Variants in RNF182 observed in about 807,000 individuals in gnomAD.
RNF182 encodes the protein ring finger protein 182.
In RNF182, 15 loss-of-function variants were observed where a neutral mutation model predicts 14.4. That is an observed-to-expected ratio of 1.04 (90% CI 0.70 to 1.60). The LOEUF (loss-of-function observed/expected upper bound fraction) is 1.60, where lower values mean the gene tolerates loss of function less well. Ranked by LOEUF, RNF182 falls within the 40% of genes most tolerant of loss-of-function variation. RNF182 has a pLI of 0.00. For synonymous variants in RNF182, 128 were observed against 122.9 expected, an observed-to-expected ratio of 1.04 and a Z score of -0.27; for missense variants, 268 against 294.8, an observed-to-expected ratio of 0.91 and a Z score of 0.67.
chr6:13,952,405 A>G (rs1175643151), intron 1 of RNF182, among the ~76,000 whole-genome samples: 2 of 152,144 alleles, frequency 1.3e-5, no homozygotes, highest in Non-Finnish European at 2.9e-5. Flanking sequence ...AAAGCGGTCA[A>G]CATCCCATAG....
intron 1 of RNF182, among the ~76,000 whole-genome samples, chr6:13,936,473 T>C (rs1759112511): frequency 6.6e-6 from 1 of 152,234 alleles, no homozygotes; most frequent in African/African-American, 2.4e-5. Context: ...GATTGGTCTA[T>C]AAATATAAAT....
chr6:13,970,600 AC>A (rs1011211630), intron 1 of RNF182, among the ~76,000 whole-genome samples: 28 of 152,176 alleles, frequency 1.8e-4, no homozygotes, highest in African/African-American at 6.8e-4. Context: ...TTGGATAGAT[AC>A]CAAGTAGAAG....
chr6:13,926,372 T>C (rs945389738), intron 1 of RNF182, among the ~76,000 whole-genome samples: 1 of 152,218 alleles, frequency 6.6e-6, no homozygotes, highest in Non-Finnish European at 1.5e-5. Context: ...TTCCCTCTTT[T>C]GGGATTTCAA....
intron 1 of RNF182, among the ~76,000 whole-genome samples, chr6:13,973,254 C>G (rs558029031): frequency 2.6e-5 from 4 of 152,314 alleles, no homozygotes; most frequent in East Asian, 3.9e-4. Context: ...AACTAACTTG[C>G]TTTTGATTTT....
rs1585025521 is a variant in RNF182, at chr6:13,925,013, C to T, written c.-377C>T. The T allele has an allele frequency of 1.6e-4, 1 of 6,390 alleles. No homozygotes were observed. Among genetic ancestry groups the T allele is most frequent in the Non-Finnish European group, 4.2e-4 (1 of 2,368 alleles). The allele number at this position is 6,390 out of a possible 1,614,324, so 0.4% of individuals were successfully genotyped here. ...GGAGCGGCTCCCGGGCCCTGGGCCG[C>T]CGCCGGCCAGGTAAGGCGATCGCGC... On this transcript the variant is annotated 5_prime_UTR_variant, in exon 1 of 3. Transcript: ENST00000488300.
At chr6:13,969,295 TAA>T (rs1159461940) in intron 1 of RNF182, among the ~76,000 whole-genome samples, 1 of 152,256 alleles carries the variant, frequency 6.6e-6, no homozygotes, top group African/African-American at 2.4e-5. Context: ...TAGCTTCAAA[TAA>T]AGAGTTGCAG....
At chr6:13,926,820 G>GA (rs1233999871) in intron 1 of RNF182, among the ~76,000 whole-genome samples, 2 of 150,296 alleles carry the variant, frequency 1.3e-5, no homozygotes, top group Admixed American at 6.6e-5. Context: ...GGGACCAACA[G>GA]AACAGCTTTA....
upstream of RNF182, chr6:13,924,604 TG>T (rs1300147907): frequency 3.3e-5 from 5 of 152,026 alleles, no homozygotes; most frequent in East Asian, 7.8e-4. Flanking sequence ...AGGGTGTCTG[TG>T]GGGGGGATGG....
At chr6:13,933,627 A>G (rs991352313) in intron 1 of RNF182, among the ~76,000 whole-genome samples, 92 of 152,346 alleles carry the variant, frequency 6.0e-4, no homozygotes, top group African/African-American at 2.0e-3. Flanking sequence ...AAAATTATTA[A>G]TGAGATTTTA....
intron 1 of RNF182, among the ~76,000 whole-genome samples, chr6:13,944,569 A>G (rs937444487): frequency 6.6e-6 from 1 of 152,340 alleles, no homozygotes; most frequent in Non-Finnish European, 1.5e-5. Context: ...AAGGTAATTT[A>G]TGCATGGAAA....
chr6:13,973,302 A>T (rs922561351), intron 1 of RNF182, among the ~76,000 whole-genome samples: 1 of 152,176 alleles, frequency 6.6e-6, no homozygotes, highest in Non-Finnish European at 1.5e-5. Context: ...CTTGTCTCAG[A>T]TGAGACTTTG....
Position 13,932,425 on chromosome 6 carries a change from G to T in RNF182, c.-367+7402G>T, listed in dbSNP as rs556099019. Among the ~76,000 whole-genome samples, 5 of 152,090 alleles carry T rather than the reference G, an allele frequency of 3.3e-5. No individual in the cohort carries two copies. In the East Asian group the frequency reaches 5.8e-4, roughly 18 times the overall value. On this transcript the variant is annotated intron_variant, in intron 1 of 2. Coordinates refer to ENST00000488300, the MANE Select transcript of RNF182 (RefSeq NM_152737.4). ...AACTTTAATTCAAATTGAACAGATT[G>T]GATTTCTTAAATTATCAGTCTCATT...
intron 1 of RNF182, among the ~76,000 whole-genome samples, chr6:13,970,845 A>G (rs999346201): frequency 1.3e-5 from 2 of 152,236 alleles, no homozygotes; most frequent in Admixed American, 6.5e-5. Flanking sequence ...GCAGAAAAAT[A>G]TACATTTTGA....
In RNF182 at chr6:13,977,733, T is replaced by C. The variant is rs1460121247; in HGVS notation, c.614T>C (p.Val205Ala). ...TTACCCTTAGGAATCTACTTACTGG[T>C]GTCTAAGAAAGTCACCCTTGGGGTC... is the stretch of plus-strand genomic sequence containing the variant. ...SSLPLGIYLL[V>A]SKKVTLGVVF... is the part of the protein sequence containing the mutation. Residue 205 changes from valine (V) to alanine (A), a missense_variant, in exon 3 of 3, where the codon GTG (valine) becomes GCG (alanine). Coordinates refer to ENST00000488300, the MANE Select transcript of RNF182 (RefSeq NM_152737.4). 1.9e-6 allele frequency: 3 copies of C among 1,614,196 alleles called. No homozygotes were observed. Among genetic ancestry groups the C allele is most frequent in the East Asian group, 2.2e-5 (1 of 44,880 alleles).
At chr6:13,972,849 G>A (rs904662650) in intron 1 of RNF182, among the ~76,000 whole-genome samples, 6 of 152,236 alleles carry the variant, frequency 3.9e-5, no homozygotes, top group Non-Finnish European at 7.3e-5. Flanking sequence ...GAAGGGAAAT[G>A]TGGGGTTGGA....
chr6:13,941,573 A>G (rs1031119518), intron 1 of RNF182, among the ~76,000 whole-genome samples: 1 of 151,936 alleles, frequency 6.6e-6, no homozygotes, highest in African/African-American at 2.4e-5. Flanking sequence ...CCATTGTACT[A>G]TTTGTTTTCT....
chr6:13,944,352 G>A (rs933353782), intron 1 of RNF182, among the ~76,000 whole-genome samples: 25 of 152,294 alleles, frequency 1.6e-4, no homozygotes, highest in African/African-American at 5.3e-4. Context: ...AGGTGGTTTT[G>A]TCATCCTAGG....
At chr6:13,973,468 T>G (rs1760245029) in intron 1 of RNF182, among the ~76,000 whole-genome samples, 1 of 152,124 alleles carries the variant, frequency 6.6e-6, no homozygotes, top group African/African-American at 2.4e-5. Flanking sequence ...AAATCTGACC[T>G]TATATTGTAA....
intron 1 of RNF182, among the ~76,000 whole-genome samples, chr6:13,952,647 C>A (rs1759625962): frequency 6.6e-6 from 1 of 152,060 alleles, no homozygotes; most frequent in African/African-American, 2.4e-5. Context: ...TGGCTCATCA[C>A]AGAATATGTT....
Sources: gnomAD v4.1 joint callset for allele counts (sites outside exome capture counted in the v4.1 genomes callset) on GRCh38, gnomAD v4.1.1 for gene constraint, MANE v1.5 for transcripts, NCBI Gene and HGNC (gene_info 2026-07-23, HGNC 2026-07-21) for gene names.